ARHGAP22: variants seen among roughly 807,000 people sequenced by gnomAD.
The protein encoded by ARHGAP22 is Rho GTPase activating protein 22, also known as rho GTPase-activating protein 22.
ARHGAP22 carries 48 observed loss-of-function variants against 59.1 expected under a neutral mutation model. The ratio of observed to expected loss-of-function variants is 0.81; its 90% confidence interval spans 0.64 to 1.03. The LOEUF (loss-of-function observed/expected upper bound fraction) is 1.03. Ranked by LOEUF, ARHGAP22 falls within the 50% of genes least tolerant of loss-of-function variation. The probability of loss-of-function intolerance (pLI) is 0.00; values close to 1 mark genes in which losing one functional copy is unlikely to be tolerated. For synonymous variants in ARHGAP22, 445 were observed against 416.4 expected, an observed-to-expected ratio of 1.07 and a Z score of -0.84; for missense variants, 1,015 against 958.7, an observed-to-expected ratio of 1.06 and a Z score of -0.78.
chr10:48,484,680 T>C (rs1044640721), intron 3 of ARHGAP22, among the ~76,000 whole-genome samples: 1 of 152,252 alleles, frequency 6.6e-6, no homozygotes, highest in Non-Finnish European at 1.5e-5. Context: ...TCTTCTTGAG[T>C]AAACTTTACT....
intron 1 of ARHGAP22, among the ~76,000 whole-genome samples, chr10:48,648,767 C>T (rs536917278): frequency 3.4e-4 from 51 of 152,234 alleles, no homozygotes; most frequent in Admixed American, 2.9e-3. Flanking sequence ...GCAGAGCAGG[C>T]GCAGCGGGGT....
chr10:48,478,754 C>A (rs532037862), intron 4 of ARHGAP22, among the ~76,000 whole-genome samples: 6 of 152,284 alleles, frequency 3.9e-5, no homozygotes, highest in African/African-American at 1.4e-4. Context: ...CTCTCATACC[C>A]CATGTCCAGA....
intron 4 of ARHGAP22, among the ~76,000 whole-genome samples, chr10:48,466,414 G>A (rs921071462): frequency 6.6e-6 from 1 of 151,838 alleles, no homozygotes; most frequent in South Asian, 2.1e-4. Flanking sequence ...CACCAGATCC[G>A]CGGTGACACC....
intron 2 of ARHGAP22, among the ~76,000 whole-genome samples, chr10:48,560,176 C>G (rs2057593981): frequency 6.6e-6 from 1 of 152,120 alleles, no homozygotes; most frequent in African/African-American, 2.4e-5. Flanking sequence ...TCTGGCTATT[C>G]TAGGCCCTTT....
chr10:48,654,774 C>A (rs879933696), upstream of ARHGAP22, among the ~76,000 whole-genome samples: 216 of 42,650 alleles, frequency 5.1e-3, no homozygotes, highest in Non-Finnish European at 9.7e-3. Context: ...ATGCTGATTA[C>A]TTTCTTTCTT....
rs1228534831 is a variant in ARHGAP22 at position 48,454,129 on chromosome 10, G to A, written c.825C>T (p.Asn275=). 1 of 1,614,078 alleles carries A rather than the reference G, an allele frequency of 6.2e-7. No individual in the cohort carries two copies. The highest frequency in any genetic ancestry group is 1.7e-5 in the Admixed American group (1 of 60,020). Residue 275 remains asparagine, a synonymous_variant, in exon 7 of 10, where the codon AAC becomes AAT. Coordinates refer to ENST00000249601, the MANE Select transcript of ARHGAP22 (RefSeq NM_021226.4). ...GCAGGTTGTAATTTGCCTGAGGAAG[G>A]TTGCTCACTTGTTTAGCCAACTCCA... ...GTLELAKQVS[N]LPQANYNLLR... is the part of the protein sequence containing the mutation.
chr10:48,434,667 G>A, the ARHGAP22 span, among the ~76,000 whole-genome samples: 144 of 152,274 alleles, frequency 9.5e-4, no homozygotes, highest in African/African-American at 3.4e-3. Flanking sequence ...TGAAAGGATA[G>A]GACTCCACGA....
chr10:48,467,733 C>T (rs992427058), intron 4 of ARHGAP22, among the ~76,000 whole-genome samples: 1 of 152,158 alleles, frequency 6.6e-6, no homozygotes, highest in Non-Finnish European at 1.5e-5. Context: ...TAAGGACCTG[C>T]TAGAGCTAAG....
intron 3 of ARHGAP22, among the ~76,000 whole-genome samples, chr10:48,490,119 C>T (rs1319899471): frequency 6.6e-6 from 1 of 152,160 alleles, no homozygotes; most frequent in African/African-American, 2.4e-5. Context: ...GACTTAATTT[C>T]CCCAACTGTC....
chr10:48,651,496 G>A (rs2062561116), intron 1 of ARHGAP22, among the ~76,000 whole-genome samples: 1 of 146,090 alleles, frequency 6.8e-6, no homozygotes, highest in Admixed American at 6.8e-5. Context: ...AGCTCACCCA[G>A]TCAGCACCTG....
intron 4 of ARHGAP22, 191 bp downstream of exon 4, chr10:48,479,445 A>G (rs531836536): frequency 1.0e-6 from 1 of 953,820 alleles, no homozygotes; most frequent in Non-Finnish European, 1.5e-6. Context: ...ATAAAGGAGG[A>G]AGTGAGTACA....
At chr10:48,576,034 G>T (rs745348736) in intron 2 of ARHGAP22, among the ~76,000 whole-genome samples, 13 of 152,212 alleles carry the variant, frequency 8.5e-5, no homozygotes, top group Non-Finnish European at 1.5e-4. Context: ...AGCCCACGAA[G>T]TGAGGACCTA....
chr10:48,434,491 T>A, the ARHGAP22 span, among the ~76,000 whole-genome samples: 1 of 152,188 alleles, frequency 6.6e-6, no homozygotes, highest in African/African-American at 2.4e-5. Context: ...AGTTACACAG[T>A]CCTTTAAGAT....
chr10:48,506,840 G>T (rs1022456250), intron 3 of ARHGAP22, among the ~76,000 whole-genome samples: 11 of 152,158 alleles, frequency 7.2e-5, no homozygotes, highest in African/African-American at 2.2e-4. Context: ...CTTCAGGAAG[G>T]TCTTATTTTT....
chr10:48,605,100 C>T, upstream of ARHGAP22: 1 of 1,264,620 alleles, frequency 7.9e-7, no homozygotes, highest in Non-Finnish European at 1.0e-6. Context: ...GTCCCTCCGC[C>T]TGGCCTGGGC....
chr10:48,587,204 C>T (rs1264758929), intron 1 of ARHGAP22, among the ~76,000 whole-genome samples: 7 of 152,226 alleles, frequency 4.6e-5, no homozygotes, highest in African/African-American at 4.8e-5. Context: ...CCTTCTCCAT[C>T]TCAAGCCAGC....
At chr10:48,488,607 C>A (rs2050071180) in intron 3 of ARHGAP22, among the ~76,000 whole-genome samples, 1 of 152,206 alleles carries the variant, frequency 6.6e-6, no homozygotes, top group South Asian at 2.1e-4. Flanking sequence ...CTAATTATTT[C>A]CCACTACTGA....
chr10:48,568,592 C>T (rs532556520), intron 2 of ARHGAP22, among the ~76,000 whole-genome samples: 9 of 152,328 alleles, frequency 5.9e-5, no homozygotes, highest in African/African-American at 1.7e-4. Flanking sequence ...AGGGAGTGAC[C>T]GCCCACTTTT....
chr10:48,491,851 T>C (rs1371475318), intron 3 of ARHGAP22, among the ~76,000 whole-genome samples: 2 of 152,226 alleles, frequency 1.3e-5, no homozygotes, highest in East Asian at 3.8e-4. Flanking sequence ...GAGCTGTGTG[T>C]GTATGTACCA....
Sources: allele counts gnomAD v4.1 joint callset (sites outside exome capture counted in the v4.1 genomes callset), GRCh38; gene constraint gnomAD v4.1.1; transcripts MANE v1.5; gene names NCBI Gene and HGNC (gene_info 2026-07-23, HGNC 2026-07-21).